Variants in PJA2 observed in about 807,000 individuals in gnomAD.
PJA2 encodes the protein praja ring finger ubiquitin ligase 2, also known as E3 ubiquitin-protein ligase Praja-2.
A neutral mutation model predicts 69.3 loss-of-function variants in PJA2; 25 were observed. The observed-to-expected ratio is 0.36, with a 90% CI of 0.26 to 0.50. The LOEUF is 0.50. PJA2 is among the 20% of genes least tolerant of loss of function. The pLI is 0.96. For missense variants in PJA2, 809 were observed against 830.2 expected (o/e 0.97, Z 0.31); for synonymous variants, 308 against 277.8 (o/e 1.11, Z -1.08).
intron 4 of PJA2, among the ~76,000 whole-genome samples, chr5:109,369,886 GCT>G (rs1561353116): frequency 6.6e-6 from 1 of 152,100 alleles, no homozygotes; most frequent in African/African-American, 2.4e-5. Context: ...TACAAAATTA[GCT>G]GGGCGTGGCG....
intron 7 of PJA2, among the ~76,000 whole-genome samples, chr5:109,354,573 TC>T (rs559052882): frequency 1.6e-5 from 1 of 64,150 alleles, no homozygotes; most frequent in South Asian, 4.4e-4. Flanking sequence ...ATCTATAATA[TC>T]TATAGATATC....
chr5:109,340,377 A>C (rs1368770435), intron 9 of PJA2, among the ~76,000 whole-genome samples: 1 of 151,958 alleles, frequency 6.6e-6, no homozygotes, highest in Non-Finnish European at 1.5e-5. Flanking sequence ...ACAGCAAAGA[A>C]AGGAAAAGGA....
chr5:109,349,359 GA>G (rs2126989656), intron 7 of PJA2, among the ~76,000 whole-genome samples: 1 of 152,312 alleles, frequency 6.6e-6, no homozygotes, highest in South Asian at 2.1e-4. Context: ...ACTGCTGGAG[GA>G]AAGGGCCTTC....
chr5:109,409,807 A>T (rs1747789598), intron 1 of PJA2, 35 bp downstream of exon 1: 1 of 156,482 alleles, frequency 6.4e-6, no homozygotes, highest in South Asian at 1.6e-4. Flanking sequence ...ACAGCGGAAC[A>T]AGCCAGACTG....
chr5:109,381,944 GTTTC>G (rs1747059784), intron 2 of PJA2, among the ~76,000 whole-genome samples: 1 of 151,892 alleles, frequency 6.6e-6, no homozygotes, highest in Non-Finnish European at 1.5e-5. Flanking sequence ...TTAAAATTTG[GTTTC>G]TTTAAGGTAT....
chr5:109,375,232 G>A (rs1289303659), intron 4 of PJA2, among the ~76,000 whole-genome samples: 1 of 152,058 alleles, frequency 6.6e-6, no homozygotes, highest in African/African-American at 2.4e-5. Flanking sequence ...AATGCTGGCC[G>A]GGTGCAGTGG....
chr5:109,380,804 CA>C (rs34675958), intron 3 of PJA2, among the ~76,000 whole-genome samples: 74 of 88,730 alleles, frequency 8.3e-4, no homozygotes, highest in African/African-American at 1.8e-3. Flanking sequence ...GATTCCATCT[CA>C]AAAAAAAAAA....
chr5:109,345,356 C>CA (rs564326349), intron 7 of PJA2, among the ~76,000 whole-genome samples: 3,371 of 115,762 alleles, frequency 0.029, 35 homozygotes, highest in South Asian at 0.059. Flanking sequence ...AACTCCATCT[C>CA]AAAAAAAAAA....
chr5:109,374,298 A>T (rs1762722847), intron 4 of PJA2, among the ~76,000 whole-genome samples: 1 of 152,158 alleles, frequency 6.6e-6, no homozygotes, highest in Admixed American at 6.5e-5. Context: ...ACTTCTATGA[A>T]CTTGAAAACA....
chr5:109,341,326 GC>G (rs1417196121), intron 9 of PJA2, among the ~76,000 whole-genome samples: 1 of 149,956 alleles, frequency 6.7e-6, no homozygotes, highest in Non-Finnish European at 1.5e-5. Context: ...CCTCTGCCCG[GC>G]CGAGACCCCG....
chr5:109,364,129 C>T (rs777238268), intron 5 of PJA2, among the ~76,000 whole-genome samples: 4 of 151,986 alleles, frequency 2.6e-5, no homozygotes, highest in Admixed American at 6.5e-5. Flanking sequence ...GGCAACAAAG[C>T]GAGACTGTGT....
chr5:109,373,963 G>T (rs1762718143), intron 4 of PJA2, among the ~76,000 whole-genome samples: 1 of 152,058 alleles, frequency 6.6e-6, no homozygotes, highest in South Asian at 2.1e-4. Context: ...GTTCTTCCTG[G>T]CATTTATCAC....
chr5:109,397,178 A>T (rs557087784), intron 1 of PJA2, among the ~76,000 whole-genome samples: 1 of 152,290 alleles, frequency 6.6e-6, no homozygotes, highest in East Asian at 1.9e-4. Context: ...CCAAACACTA[A>T]ACCCACTGGC....
At chr5:109,354,102 A>T (rs62643547) in intron 7 of PJA2, among the ~76,000 whole-genome samples, 4 of 53,994 alleles carry the variant, frequency 7.4e-5, no homozygotes, top group Non-Finnish European at 1.1e-4. Context: ...ATCTAGAGAT[A>T]TCTATAGATT....
At chr5:109,363,889 C>T (rs1384270461) in intron 5 of PJA2, among the ~76,000 whole-genome samples, 2 of 152,268 alleles carry the variant, frequency 1.3e-5, no homozygotes, top group South Asian at 2.1e-4. Flanking sequence ...CAGTGGCTCA[C>T]CCCTATAATC....
Position 109,342,642 on chromosome 5 carries a change from G to A in PJA2, c.2001+1548C>T, listed in dbSNP as rs1458808571. The stretch of plus-strand genomic sequence containing the variant: ...TCTGCCCGGCCAGCCGCCCCGTCCG[G>A]GAGGGAGGTGGGGGTGTCAGCCCCC... On this transcript the variant is annotated intron_variant, in intron 9 of 9. Coordinates refer to ENST00000361189, the MANE Select transcript of PJA2 (RefSeq NM_014819.5). Among the ~76,000 whole-genome samples, 9 of 115,634 alleles carry A rather than the reference G, an allele frequency of 7.8e-5. No homozygotes were observed. In the East Asian group the frequency reaches 2.2e-3, roughly 28 times the overall value. The allele number at this position is 115,634 out of a possible 152,430, so 75.9% of individuals were successfully genotyped here.
chr5:109,355,893 G>A, intron 7 of PJA2, 22 bp downstream of exon 7: 1 of 1,513,752 alleles, frequency 6.6e-7, no homozygotes, highest in Non-Finnish European at 9.1e-7. Flanking sequence ...CTTATATATG[G>A]AGATCAGAGT....
intron 1 of PJA2, among the ~76,000 whole-genome samples, chr5:109,406,201 C>T (rs953687731): frequency 5.9e-5 from 9 of 152,044 alleles, no homozygotes; most frequent in Non-Finnish European, 8.8e-5. Flanking sequence ...CCACCACGCC[C>T]GGCTAATTTT....
intron 6 of PJA2, among the ~76,000 whole-genome samples, chr5:109,362,117 A>G (rs1347733036): frequency 6.6e-6 from 1 of 152,258 alleles, no homozygotes; most frequent in East Asian, 1.9e-4. Context: ...AAACAAGTGT[A>G]AATACACCAA....
Sources: allele counts gnomAD v4.1 joint callset (sites outside exome capture counted in the v4.1 genomes callset), GRCh38; gene constraint gnomAD v4.1.1; transcripts MANE v1.5; gene names NCBI Gene and HGNC (gene_info 2026-07-23, HGNC 2026-07-21).